RALGPS2: variants seen among roughly 807,000 people sequenced by gnomAD.
RALGPS2 encodes ras-specific guanine nucleotide-releasing factor RalGPS2.
In RALGPS2, 43 loss-of-function variants were observed where a neutral mutation model predicts 86.8. The ratio of observed to expected loss-of-function variants is 0.50; its 90% CI spans 0.39 to 0.64. The LOEUF (loss-of-function observed/expected upper bound fraction) is 0.64, where lower values mean the gene tolerates loss of function less well. RALGPS2 is among the 30% of genes least tolerant of loss of function. The pLI is 0.00. For missense variants in RALGPS2, 536 were observed against 694.6 expected (o/e 0.77, Z 2.57); for synonymous variants, 243 against 231.3 (o/e 1.05, Z -0.46).
In RALGPS2 at chr1:178,794,027, T is replaced by C. The variant is rs140427618; in HGVS notation, c.213+8420T>C. Among the ~76,000 whole-genome samples the C allele has an allele frequency of 5.0e-3, 758 of 152,340 alleles. 9 individuals are homozygous for C. The highest frequency in any genetic ancestry group is 0.017 in the African/African-American group (727 of 41,586). On this transcript the variant is annotated intron_variant, in intron 4 of 19. Coordinates refer to ENST00000367635, the MANE Select transcript of RALGPS2 (RefSeq NM_152663.5). The stretch of plus-strand genomic sequence containing the variant: ...TCAAAGCTCAGCACTTATTAAAGTT[T>C]TCCCATATTTCTTATATACATAGTT...
chr1:178,795,569 A>G (rs896736983), intron 4 of RALGPS2, among the ~76,000 whole-genome samples: 1 of 151,884 alleles, frequency 6.6e-6, no homozygotes, highest in African/African-American at 2.4e-5. Context: ...TGCTACCACC[A>G]CACCTGGCTA....
At chr1:178,838,624 C>G (rs988594579) in intron 8 of RALGPS2, among the ~76,000 whole-genome samples, 1 of 152,160 alleles carries the variant, frequency 6.6e-6, no homozygotes, top group Non-Finnish European at 1.5e-5. Flanking sequence ...TCTCCCCCTC[C>G]AAAGGAATGC....
chr1:178,746,805 C>G, intron 1 of RALGPS2: 1 of 1,029,076 alleles, frequency 9.7e-7, no homozygotes, highest in South Asian at 1.3e-5. Flanking sequence ...TTCCGTAGAA[C>G]ACTCTCATTG....
At chr1:178,864,668 G>A (rs1658260097) in intron 8 of RALGPS2, among the ~76,000 whole-genome samples, 1 of 152,152 alleles carries the variant, frequency 6.6e-6, no homozygotes, top group South Asian at 2.1e-4. Flanking sequence ...AGTGGAGCAT[G>A]TACTTATTCC....
chr1:178,817,345 TAAAAA>T (rs142692953), intron 6 of RALGPS2, among the ~76,000 whole-genome samples: 15 of 98,046 alleles, frequency 1.5e-4, no homozygotes, highest in South Asian at 3.6e-4. Flanking sequence ...TGTCTCAATT[TAAAAA>T]AAAAAAAAAA....
Position 178,833,450 on chromosome 1 carries a change from C to T in RALGPS2, c.507C>T (p.Thr169=). 6.6e-7 allele frequency: 1 copy of T among 1,510,380 alleles called. No homozygotes were observed. Among genetic ancestry groups the T allele is most frequent in the Non-Finnish European group, 8.8e-7 (1 of 1,141,686 alleles). The allele number at this position is 1,510,380 out of a possible 1,614,324, so 93.6% of individuals were successfully genotyped here. ...TATTAAGTCGAAAAGACAAAACTAC[C>T]TTTGAAAAATTAGAATATGTAATGA... ...WALLSRKDKT[T]FEKLEYVMSK... The change falls in exon 8 of 20, where the codon ACC becomes ACT. Residue 169 remains threonine, a synonymous_variant. Coordinates refer to ENST00000367635, the MANE Select transcript of RALGPS2 (RefSeq NM_152663.5).
intron 1 of RALGPS2, among the ~76,000 whole-genome samples, chr1:178,750,129 A>C (rs547365651): frequency 7.4e-4 from 113 of 152,320 alleles, no homozygotes; most frequent in African/African-American, 2.6e-3. Context: ...AAACAAAAAA[A>C]CAGTACTTTC....
intron 8 of RALGPS2, chr1:178,851,130 C>G: frequency 6.2e-7 from 1 of 1,610,324 alleles, no homozygotes; most frequent in Non-Finnish European, 8.5e-7. Flanking sequence ...TGTCTCTCTT[C>G]AGTCAATAGG....
At chr1:178,768,738 A>T (rs1652637951) in intron 1 of RALGPS2, among the ~76,000 whole-genome samples, 2 of 152,208 alleles carry the variant, frequency 1.3e-5, no homozygotes, top group African/African-American at 4.8e-5. Context: ...CCCCAGTGGC[A>T]GGCACAAGAA....
chr1:178,749,741 T>TC (rs1301718447), intron 1 of RALGPS2, among the ~76,000 whole-genome samples: 14 of 152,018 alleles, frequency 9.2e-5, no homozygotes, highest in Admixed American at 5.9e-4. Context: ...CTGGATTTGA[T>TC]CCATGCACAG....
chr1:178,798,455 C>T (rs766187708), intron 4 of RALGPS2, among the ~76,000 whole-genome samples: 5 of 152,092 alleles, frequency 3.3e-5, no homozygotes, highest in Non-Finnish European at 7.4e-5. Flanking sequence ...TTGAATAATA[C>T]CATGAGACCC....
intron 1 of RALGPS2, among the ~76,000 whole-genome samples, chr1:178,775,329 C>T (rs1395318626): frequency 6.6e-6 from 1 of 152,050 alleles, no homozygotes; most frequent in Non-Finnish European, 1.5e-5. Context: ...TATTGCTTCT[C>T]CAGAGAAAGG....
intron 1 of RALGPS2, among the ~76,000 whole-genome samples, chr1:178,750,118 C>T (rs996641167): frequency 2.6e-5 from 4 of 151,990 alleles, no homozygotes; most frequent in Non-Finnish European, 5.9e-5. Context: ...CTCAAGAAAA[C>T]AAACAAAAAA....
chr1:178,726,317 C>G (rs542719376), intron 1 of RALGPS2: 1 of 152,490 alleles, frequency 6.6e-6, no homozygotes, highest in Admixed American at 6.5e-5. Flanking sequence ...AATTATTAAC[C>G]CCCCGCCCCA....
chr1:178,902,372 A>G (rs1660213804), intron 18 of RALGPS2, among the ~76,000 whole-genome samples, 161 bp downstream of exon 18: 1 of 152,130 alleles, frequency 6.6e-6, no homozygotes, highest in Non-Finnish European at 1.5e-5. Context: ...CTCAAGAGAG[A>G]AAGTATTTGT....
chr1:178,881,922 C>A (rs1659272259), intron 10 of RALGPS2, among the ~76,000 whole-genome samples: 2 of 152,082 alleles, frequency 1.3e-5, no homozygotes, highest in Admixed American at 1.3e-4. Flanking sequence ...AATGGCATGT[C>A]ACTTACAAAA....
chr1:178,787,769 A>G (rs1028140369), intron 4 of RALGPS2, among the ~76,000 whole-genome samples: 3 of 152,094 alleles, frequency 2.0e-5, no homozygotes, highest in African/African-American at 7.2e-5. Context: ...TATCCAGTCT[A>G]TCTCTACTCC....
At chr1:178,748,226 A>G (rs981525772) in intron 1 of RALGPS2, among the ~76,000 whole-genome samples, 10 of 152,278 alleles carry the variant, frequency 6.6e-5, no homozygotes, top group African/African-American at 2.4e-4. Context: ...AGGCTGAGGC[A>G]AGATGATCCC....
chr1:178,909,080 A>G (rs1040305323), intron 19 of RALGPS2, among the ~76,000 whole-genome samples: 1 of 152,138 alleles, frequency 6.6e-6, no homozygotes, highest in Non-Finnish European at 1.5e-5. Flanking sequence ...TGATTTTTGT[A>G]TACAGTGTAA....
Sources: gnomAD v4.1 joint callset for allele counts (sites outside exome capture counted in the v4.1 genomes callset) on GRCh38, gnomAD v4.1.1 for gene constraint, MANE v1.5 for transcripts, NCBI Gene and HGNC (gene_info 2026-07-23, HGNC 2026-07-21) for gene names.